Variants in SYNE2 observed in about 807,000 individuals in gnomAD.
SYNE2 encodes the protein nesprin-2.
SYNE2 carries 431 observed loss-of-function variants against 856.3 expected under a neutral mutation model. That is an observed-to-expected ratio of 0.50 (90% CI 0.47 to 0.55). The LOEUF is 0.55. Among genes scored for constraint, SYNE2 ranks in the 20% least tolerant of loss-of-function variants. The pLI is 0.00. For synonymous variants in SYNE2, 2,923 were observed against 2,872.3 expected (o/e 1.02, Z -0.56); for missense variants, 8,129 against 8,023.2 (o/e 1.01, Z -0.50).
chr14:63,879,626 T>G (rs1312356493), intron 1 of SYNE2, among the ~76,000 whole-genome samples: 1 of 152,252 alleles, frequency 6.6e-6, no homozygotes, highest in African/African-American at 2.4e-5. Context: ...TATGTAACTT[T>G]AGTAAGGAAC....
chr14:63,898,744 C>T (rs1466800231), intron 1 of SYNE2, among the ~76,000 whole-genome samples: 1 of 152,154 alleles, frequency 6.6e-6, no homozygotes, highest in Non-Finnish European at 1.5e-5. Flanking sequence ...TTAGGACATA[C>T]ATTTTTTTTG....
chr14:64,186,271 C>A (rs112409644), intron 96 of SYNE2, among the ~76,000 whole-genome samples, 153 bp from the exon 97 acceptor site: 1 of 152,166 alleles, frequency 6.6e-6, no homozygotes, highest in Non-Finnish European at 1.5e-5. Flanking sequence ...CAACTGCAGG[C>A]GCTCGTCTTG....
intron 82 of SYNE2, among the ~76,000 whole-genome samples, chr14:64,142,752 A>G (rs1340130639): frequency 6.6e-6 from 1 of 152,246 alleles, no homozygotes; most frequent in East Asian, 1.9e-4. Context: ...ACAGGTGTTA[A>G]TGAAATGTTC....
At chr14:63,810,028 C>T (rs1473794590) in intron 1 of SYNE2, among the ~76,000 whole-genome samples, 1 of 151,778 alleles carries the variant, frequency 6.6e-6, no homozygotes, top group East Asian at 1.9e-4. Context: ...TCAAAATCAG[C>T]CTGGGCAACT....
At chr14:64,080,403 C>T in intron 55 of SYNE2, 53 bp from the exon 56 acceptor site, 1 of 1,575,704 alleles carries the variant, frequency 6.3e-7, no homozygotes, top group Non-Finnish European at 8.7e-7. Context: ...CAGGCATTGC[C>T]TCCATAAACT....
At chr14:63,830,938 T>C (rs1566594957) in intron 1 of SYNE2, among the ~76,000 whole-genome samples, 1 of 150,962 alleles carries the variant, frequency 6.6e-6, no homozygotes, top group Non-Finnish European at 1.5e-5. Context: ...CCTTCCGGGT[T>C]CAAGTGATTC....
At chr14:63,825,672 G>T (rs889728461) in intron 1 of SYNE2, among the ~76,000 whole-genome samples, 1 of 151,988 alleles carries the variant, frequency 6.6e-6, no homozygotes, top group Non-Finnish European at 1.5e-5. Context: ...TCAGGAGTTC[G>T]AAACCAGCCT....
chr14:64,100,531 A>AAAAAAAAATATATAT (rs1491537041), intron 63 of SYNE2, among the ~76,000 whole-genome samples: 2 of 39,480 alleles, frequency 5.1e-5, no homozygotes, highest in African/African-American at 9.2e-5. Flanking sequence ...AAAAAAAAAA[A>AAAAAAAAATATATAT]ATATATATAT....
intron 80 of SYNE2, 57 bp downstream of exon 80, chr14:64,140,130 A>G (rs2098128126): frequency 3.9e-6 from 6 of 1,549,854 alleles, no homozygotes; most frequent in Admixed American, 1.7e-5. Flanking sequence ...ATATCAAGGA[A>G]AAAGCATCAG....
intron 94 of SYNE2, 79 bp downstream of exon 94, chr14:64,170,541 G>A: frequency 2.9e-6 from 4 of 1,402,718 alleles, no homozygotes; most frequent in South Asian, 1.2e-5. Context: ...TTGGTTTAAT[G>A]TTTTTGATGA....
Position 63,814,685 on chromosome 14 carries a change from T to TAC in SYNE2, c.-304-37815_-304-37814insCA, listed in dbSNP as rs560881022. On this transcript the variant is annotated intron_variant, in intron 1 of 23. Coordinates refer to the SYNE2 transcript ENST00000674003. ...ATATATATCCATATATATCCATATA[T>TAC]ATCCATATATATATCCATATATATC... is the stretch of plus-strand genomic sequence containing the variant. Among the ~76,000 whole-genome samples, 87 of 127,330 alleles carry TAC rather than the reference T, an allele frequency of 6.8e-4. 12 individuals carry two copies. Among genetic ancestry groups the TAC allele is most frequent in the Middle Eastern group, 0.022 (2 of 90 alleles). The allele number at this position is 127,330 out of a possible 152,430, so 83.5% of individuals were successfully genotyped here.
intron 8 of SYNE2, 31 bp downstream of exon 8, chr14:63,954,946 C>T (rs1312815912): frequency 6.5e-7 from 1 of 1,544,626 alleles, no homozygotes; most frequent in Non-Finnish European, 8.9e-7. Flanking sequence ...TTAAAACAAT[C>T]TTTAAGGCTT....
intron 48 of SYNE2, 108 bp from the exon 49 acceptor site, chr14:64,055,836 A>AAAAT (rs1187741146): frequency 1.2e-5 from 9 of 766,042 alleles, no homozygotes; most frequent in Non-Finnish European, 1.5e-5. Flanking sequence ...TAATAATAAT[A>AAAAT]AAAAAAGACT....
At chr14:63,973,319 C>T (rs1396881746) in intron 11 of SYNE2, among the ~76,000 whole-genome samples, 1 of 151,730 alleles carries the variant, frequency 6.6e-6, no homozygotes, top group Non-Finnish European at 1.5e-5. Context: ...GACATAATGG[C>T]AAATAGTTAA....
chr14:64,193,980 T>A (rs2098529567), intron 99 of SYNE2, among the ~76,000 whole-genome samples: 1 of 152,208 alleles, frequency 6.6e-6, no homozygotes, highest in Non-Finnish European at 1.5e-5. Flanking sequence ...ATAAGATTAC[T>A]TGGGCCCTGG....
chr14:63,935,025 T>G lies in SYNE2; in HGVS notation c.80-5589T>G, dbSNP rs111964416. On this transcript the variant is annotated intron_variant, in intron 2 of 115. Coordinates refer to ENST00000555002, the MANE Select transcript of SYNE2 (RefSeq NM_182914.3). ...ATAAAATTAGCCTTTGATGCTTTTT[T>G]TTTTTGGGAAGTGGCAATACATGTT... 4.9e-3 allele frequency among the ~76,000 whole-genome samples: 741 copies of G among 152,304 alleles called. 4 individuals carry two copies. The highest frequency in any genetic ancestry group is 0.016 in the African/African-American group (683 of 41,570).
intron 45 of SYNE2, among the ~76,000 whole-genome samples, chr14:64,036,692 A>T (rs528271091): frequency 3.9e-4 from 60 of 151,988 alleles, no homozygotes; most frequent in East Asian, 1.4e-3. Flanking sequence ...ATTAAAAAAA[A>T]TTTTTTTTTA....
At chr14:63,773,465 T>G (rs1886996325) in intron 1 of SYNE2, among the ~76,000 whole-genome samples, 2 of 152,306 alleles carry the variant, frequency 1.3e-5, no homozygotes, top group South Asian at 4.1e-4. Flanking sequence ...CCTTCTAAAG[T>G]GCTGGGATTA....
rs2153665809 is a variant in SYNE2 at position 64,120,941 on chromosome 14, A to G, written c.13038A>G (p.Leu4346=). The change falls in exon 68 of 116, where the codon CTA becomes CTG. Residue 4346 remains leucine, a synonymous_variant. Coordinates refer to ENST00000555002, the MANE Select transcript of SYNE2 (RefSeq NM_182914.3). ...ATGTTTTGCAGCATCCTACCATTCT[A>G]AAGAAATCCTCAGAGCCAGAGCATC... ...KHSEDQHPTI[L]KKSSEPEHQE... The G allele has an allele frequency of 6.2e-7, 1 of 1,614,106 alleles. No homozygotes were observed.
Sources: allele counts gnomAD v4.1 joint callset (sites outside exome capture counted in the v4.1 genomes callset), GRCh38; gene constraint gnomAD v4.1.1; transcripts MANE v1.5; gene names NCBI Gene and HGNC (gene_info 2026-07-23, HGNC 2026-07-21).